DLG2: variants seen among roughly 807,000 people sequenced by gnomAD.
The protein encoded by DLG2 is disks large homolog 2.
DLG2 carries 45 observed loss-of-function variants against 132.5 expected under a neutral mutation model. That is an observed-to-expected ratio of 0.34 (90% CI 0.27 to 0.44). The LOEUF (loss-of-function observed/expected upper bound fraction) is 0.44. Ranked by LOEUF, DLG2 falls within the 20% of genes least tolerant of loss-of-function variation. The pLI, the probability that DLG2 is intolerant of heterozygous loss-of-function variation, is 1.00. For missense variants in DLG2, 1,045 were observed against 1,196.9 expected, an observed-to-expected ratio of 0.87 and a Z score of 1.87; for synonymous variants, 424 against 419.6, an observed-to-expected ratio of 1.01 and a Z score of -0.13.
At chr11:84,882,689 C>G (rs1372096999) in intron 6 of DLG2, among the ~76,000 whole-genome samples, 1 of 152,052 alleles carries the variant, frequency 6.6e-6, no homozygotes. Flanking sequence ...TCCTTATTCA[C>G]TTACATGAAG....
intron 3 of DLG2, among the ~76,000 whole-genome samples, chr11:85,406,847 A>G (rs1388822735): frequency 6.6e-6 from 1 of 151,954 alleles, no homozygotes; most frequent in Non-Finnish European, 1.5e-5. Flanking sequence ...GCTAAGAACT[A>G]TGAGGAAAAA....
At chr11:85,240,746 C>T (rs1331700702) in intron 4 of DLG2, among the ~76,000 whole-genome samples, 3 of 151,810 alleles carry the variant, frequency 2.0e-5, no homozygotes, top group African/African-American at 7.2e-5. Flanking sequence ...ACCTTTCATT[C>T]TTGGTCAATT....
chr11:85,292,284 C>T (rs2078942514), intron 3 of DLG2, among the ~76,000 whole-genome samples: 1 of 152,048 alleles, frequency 6.6e-6, no homozygotes, highest in African/African-American at 2.4e-5. Context: ...AACGTCCTAT[C>T]TTAGGCTTTG....
chr11:84,194,450 G>C (rs371314963), intron 8 of DLG2, among the ~76,000 whole-genome samples: 1 of 152,176 alleles, frequency 6.6e-6, no homozygotes, highest in East Asian at 1.9e-4. Flanking sequence ...CCCAAAGAGT[G>C]AGCAGCAGGA....
Position 84,001,875 on chromosome 11 carries a change from CA to C in DLG2, c.920-21234del, listed in dbSNP as rs553114247. Reference sequence around the variant, plus strand: ...TCAACATAGAAATTAAGATGAAAATCAAAAAAGTTCTTAAAACAATTGAAAA... The same window carrying C: ...TCAACATAGAAATTAAGATGAAAATCAAAAAGTTCTTAAAACAATTGAAAA... On this transcript the variant is annotated intron_variant, in intron 11 of 27. Coordinates refer to ENST00000376104, the MANE Select transcript of DLG2 (RefSeq NM_001142699.3). Among the ~76,000 whole-genome samples the C allele has an allele frequency of 9.0e-4, 136 of 151,944 alleles. 1 individual carries two copies. The highest frequency in any genetic ancestry group is 3.0e-3 in the African/African-American group (126 of 41,490).
intron 6 of DLG2, among the ~76,000 whole-genome samples, chr11:85,097,260 C>T (rs186261926): frequency 1.3e-5 from 2 of 152,182 alleles, no homozygotes; most frequent in East Asian, 1.9e-4. Flanking sequence ...TCTTTAGGCA[C>T]CCGGGCTCAC....
chr11:83,651,972 C>T (rs555085470), intron 18 of DLG2: 10 of 446,114 alleles, frequency 2.2e-5, no homozygotes, highest in African/African-American at 2.0e-4. Context: ...AATCTACACA[C>T]TTAAATTCAG....
intron 18 of DLG2, among the ~76,000 whole-genome samples, chr11:83,689,239 G>C (rs971794128): frequency 2.8e-4 from 43 of 152,198 alleles, no homozygotes; most frequent in African/African-American, 1.0e-3. Flanking sequence ...TAGATGAGTA[G>C]GAGATATTGA....
chr11:85,469,348 A>T (rs2092910717), intron 3 of DLG2: 2 of 152,248 alleles, frequency 1.3e-5, no homozygotes, highest in Admixed American at 1.3e-4. Context: ...TTTCTGCTAC[A>T]GTATTTATTG....
At chr11:84,888,165 C>A (rs1206554206) in intron 6 of DLG2, among the ~76,000 whole-genome samples, 1 of 152,106 alleles carries the variant, frequency 6.6e-6, no homozygotes, top group African/African-American at 2.4e-5. Flanking sequence ...CTAAGAGATG[C>A]CCAGATAGCT....
intron 3 of DLG2, among the ~76,000 whole-genome samples, chr11:85,390,602 A>G (rs2086715398): frequency 6.6e-6 from 1 of 152,124 alleles, no homozygotes; most frequent in African/African-American, 2.4e-5. Context: ...CTCAGACCAC[A>G]GTGGAAAAAA....
At chr11:84,799,687 AT>A (rs1012250515) in intron 6 of DLG2, among the ~76,000 whole-genome samples, 7 of 151,496 alleles carry the variant, frequency 4.6e-5, no homozygotes, top group Admixed American at 1.3e-4. Context: ...CTTCTTCATA[AT>A]TTTTTTTTAA....
intron 7 of DLG2, among the ~76,000 whole-genome samples, chr11:84,288,820 G>A (rs1037962794): frequency 6.6e-6 from 1 of 152,048 alleles, no homozygotes; most frequent in South Asian, 2.1e-4. Context: ...ATTGAACTAT[G>A]TTGACATAAT....
chr11:84,186,168 T>C (rs925510400), intron 8 of DLG2, among the ~76,000 whole-genome samples: 1 of 152,154 alleles, frequency 6.6e-6, no homozygotes, highest in African/African-American at 2.4e-5. Flanking sequence ...TTATCCTGCT[T>C]AAAATTTGTT....
At chr11:84,708,480 T>G (rs2060013467) in intron 6 of DLG2, among the ~76,000 whole-genome samples, 2 of 151,906 alleles carry the variant, frequency 1.3e-5, no homozygotes, top group African/African-American at 2.4e-5. Flanking sequence ...GTACTTCTAG[T>G]GGAAGAACAA....
chr11:84,406,375 G>A (rs2098849723), intron 7 of DLG2, among the ~76,000 whole-genome samples: 3 of 152,160 alleles, frequency 2.0e-5, no homozygotes. Flanking sequence ...CTGGAGTGCA[G>A]TGGCATAAAC....
At chr11:83,534,712 G>T (rs2095840893) in intron 20 of DLG2, among the ~76,000 whole-genome samples, 1 of 152,178 alleles carries the variant, frequency 6.6e-6, no homozygotes, top group African/African-American at 2.4e-5. Context: ...AGGCAGGTGT[G>T]TATCACCTGA....
At chr11:84,622,374 G>C (rs1228330446) in intron 6 of DLG2, among the ~76,000 whole-genome samples, 1 of 152,148 alleles carries the variant, frequency 6.6e-6, no homozygotes, top group Non-Finnish European at 1.5e-5. Context: ...GACAGCAGCA[G>C]AGATTTACTG....
chr11:84,327,331 C>T (rs1038431604), intron 7 of DLG2, among the ~76,000 whole-genome samples: 8 of 152,014 alleles, frequency 5.3e-5, no homozygotes. Context: ...GATCCACCCG[C>T]CTTGGCCTCC....
Sources: gnomAD v4.1 joint callset for allele counts (sites outside exome capture counted in the v4.1 genomes callset) on GRCh38, gnomAD v4.1.1 for gene constraint, MANE v1.5 for transcripts, NCBI Gene and HGNC (gene_info 2026-07-23, HGNC 2026-07-21) for gene names.